IKZF1: variants seen among roughly 807,000 people sequenced by gnomAD.
The protein encoded by IKZF1 is IKAROS family zinc finger 1.
A neutral mutation model predicts 51.7 loss-of-function variants in IKZF1; 10 were observed. The ratio of observed to expected loss-of-function variants is 0.19; its 90% CI spans 0.12 to 0.33. IKZF1 has a LOEUF of 0.33. Ranked by LOEUF, IKZF1 falls within the 10% of genes least tolerant of loss-of-function variation. The pLI, the probability that IKZF1 is intolerant of heterozygous loss-of-function variation, is 1.00. For missense variants in IKZF1, 484 were observed against 707.5 expected, an observed-to-expected ratio of 0.68 and a Z score of 3.58; for synonymous variants, 280 against 282.3, an observed-to-expected ratio of 0.99 and a Z score of 0.08.
At chr7:50,350,588 G>A (rs1036792405) in intron 3 of IKZF1, among the ~76,000 whole-genome samples, 4 of 152,170 alleles carry the variant, frequency 2.6e-5, no homozygotes, top group African/African-American at 7.2e-5. Context: ...CTGACGGCAC[G>A]TTACACCAGT....
At chr7:50,308,315 A>C (rs1201868978) in intron 1 of IKZF1, among the ~76,000 whole-genome samples, 7 of 152,176 alleles carry the variant, frequency 4.6e-5, no homozygotes, top group Non-Finnish European at 1.0e-4. Flanking sequence ...GCAACTGCCA[A>C]ATTGTTTCAG....
intron 1 of IKZF1, among the ~76,000 whole-genome samples, chr7:50,307,391 G>C (rs1193601034): frequency 6.6e-6 from 1 of 152,086 alleles, no homozygotes; most frequent in African/African-American, 2.4e-5. Context: ...GGTAAACCAC[G>C]ACCTTTTTGC....
rs181708306 is a variant in IKZF1 at position 50,316,519 on chromosome 7, C to T, written c.-14-2529C>T. On this transcript the variant is annotated intron_variant, in intron 1 of 7. Coordinates refer to ENST00000331340, the MANE Select transcript of IKZF1 (RefSeq NM_006060.6). ...CAGACTTGGCTGCTGACAATAGACG[C>T]GCTCCAGGAAGGTGCTCGCTGTGGT... 1.3e-3 allele frequency among the ~76,000 whole-genome samples: 197 copies of T among 152,356 alleles called. 2 individuals carry two copies. The highest frequency in any genetic ancestry group is 4.5e-3 in the African/African-American group (186 of 41,584).
chr7:50,315,753 G>T (rs903290619), intron 1 of IKZF1, among the ~76,000 whole-genome samples: 1 of 152,186 alleles, frequency 6.6e-6, no homozygotes, highest in African/African-American at 2.4e-5. Flanking sequence ...GTGAAAACAT[G>T]CCATTAGCTT....
chr7:50,369,461 A>G lies in IKZF1; in HGVS notation c.161-7072A>G, dbSNP rs1429779998. ...ATACACTTGGATATGCTTTCTGTCT[A>G]TATTTATGCAAATGTGTCCATAAGG... is the stretch of plus-strand genomic sequence containing the variant. On this transcript the variant is annotated intron_variant, in intron 3 of 7. Coordinates refer to ENST00000331340, the MANE Select transcript of IKZF1 (RefSeq NM_006060.6). 5 of 398,456 alleles carry G rather than the reference A, an allele frequency of 1.3e-5. No individual in the cohort carries two copies. In the Admixed American group the frequency reaches 2.2e-4, roughly 18 times the overall value. 24.7% of individuals were successfully genotyped at this position (398,456 alleles called of 1,614,324 possible).
chr7:50,349,451 G>A (rs1203670097), intron 3 of IKZF1, among the ~76,000 whole-genome samples: 1 of 152,212 alleles, frequency 6.6e-6, no homozygotes, highest in African/African-American at 2.4e-5. Flanking sequence ...GTACCTATAA[G>A]AATGGGTAGG....
Position 50,370,072 on chromosome 7 carries a change from A to G in IKZF1, c.161-6461A>G, listed in dbSNP as rs576725838. Among the ~76,000 whole-genome samples the G allele has an allele frequency of 1.9e-4, 29 of 152,278 alleles. 1 individual carries two copies. In the South Asian group the frequency reaches 4.8e-3, roughly 25 times the overall value. ...CCGTGATTCAAGATATATCTTAAAT[A>G]TTTCCATTTCATTTGATTTTTACTT... On this transcript the variant is annotated intron_variant, in intron 3 of 7. Transcript: ENST00000331340.
At chr7:50,346,679 C>T (rs1584652374) in intron 3 of IKZF1, among the ~76,000 whole-genome samples, 1 of 152,214 alleles carries the variant, frequency 6.6e-6, no homozygotes, top group Non-Finnish European at 1.5e-5. Flanking sequence ...AAATCCCATC[C>T]CCTGCCTCGA....
At chr7:50,303,774 C>A (rs1788110775), upstream of IKZF1, among the ~76,000 whole-genome samples, 1 of 151,660 alleles carries the variant, frequency 6.6e-6, no homozygotes, top group South Asian at 2.1e-4. The surrounding 1 kb of genome is among the most constrained non-coding windows in gnomAD (Gnocchi z 4.7). Context: ...GCGGGGCGAG[C>A]GTGAGGGTGC....
At chr7:50,357,482 T>G (rs896307611) in intron 3 of IKZF1, among the ~76,000 whole-genome samples, 8 of 151,914 alleles carry the variant, frequency 5.3e-5, no homozygotes, top group African/African-American at 1.9e-4. Context: ...CACCCCTCCC[T>G]CCAGTTGGCA....
chr7:50,317,317 G>T (rs889736908), intron 1 of IKZF1, among the ~76,000 whole-genome samples: 1 of 152,176 alleles, frequency 6.6e-6, no homozygotes, highest in African/African-American at 2.4e-5. Flanking sequence ...GAAAACTAGA[G>T]AACTAACTTC....
chr7:50,319,192 G>A, intron 2 of IKZF1, 91 bp downstream of exon 2: 1 of 1,002,718 alleles, frequency 1.0e-6, no homozygotes, highest in Non-Finnish European at 1.6e-6. Context: ...TCATGGGGGA[G>A]GAATAGGGGC....
chr7:50,387,499 G>A (rs2153488455), intron 6 of IKZF1, 29 bp downstream of exon 6: 1 of 1,591,828 alleles, frequency 6.3e-7, no homozygotes, highest in Non-Finnish European at 8.6e-7. Flanking sequence ...AGGCCAGCCT[G>A]GTGGGCTCTC....
In IKZF1 at chr7:50,327,870, G is replaced by T. The variant is rs918025800; in HGVS notation, c.160+113G>T. 3.3e-5 allele frequency: 39 copies of T among 1,192,698 alleles called. 1 individual carries two copies. The Middle Eastern group carries it at 6.0e-4, about 18-fold the overall frequency. 73.9% of individuals were successfully genotyped at this position (1,192,698 alleles called of 1,614,324 possible). On this transcript the variant is annotated intron_variant, in intron 3 of 7. Coordinates refer to ENST00000331340, the MANE Select transcript of IKZF1 (RefSeq NM_006060.6). ...TTTATCCATTGTGTTCCCTCAACTGGCATATTAAAGAAATATGGCACAAAG... is the reference window on the plus strand; with the variant it reads ...TTTATCCATTGTGTTCCCTCAACTGTCATATTAAAGAAATATGGCACAAAG...
At chr7:50,315,891 G>C (rs1791425489) in intron 1 of IKZF1, among the ~76,000 whole-genome samples, 1 of 152,144 alleles carries the variant, frequency 6.6e-6, no homozygotes, top group Non-Finnish European at 1.5e-5. Context: ...CTCAGTAAGT[G>C]CTTTGTAAAA....
At chr7:50,365,480 C>T (rs1806622548) in intron 3 of IKZF1, among the ~76,000 whole-genome samples, 1 of 152,162 alleles carries the variant, frequency 6.6e-6, no homozygotes. Flanking sequence ...TGACATTCAA[C>T]GTCTAACTTT....
chr7:50,391,721 GA>G lies in IKZF1; in HGVS notation c.716-7del. The G allele has an allele frequency of 6.2e-7, 1 of 1,613,662 alleles. No individual in the cohort carries two copies. Among genetic ancestry groups the G allele is most frequent in the Non-Finnish European group, 8.5e-7 (1 of 1,179,790 alleles). Reference sequence around the variant, plus strand: ...TTTCTAAACTGGCCTCTCTGTCTTTGACTTTAGTCATTAAAGAAGAAACTAA... The same window carrying G: ...TTTCTAAACTGGCCTCTCTGTCTTTGCTTTAGTCATTAAAGAAGAAACTAA... On this transcript the variant is annotated splice_region_variant and splice_polypyrimidine_tract_variant and intron_variant, in intron 6 of 7. Coordinates refer to ENST00000331340, the MANE Select transcript of IKZF1 (RefSeq NM_006060.6).
intron 2 of IKZF1, among the ~76,000 whole-genome samples, chr7:50,324,743 A>G (rs1463411793): frequency 6.6e-6 from 1 of 152,210 alleles, no homozygotes; most frequent in Admixed American, 6.5e-5. Context: ...TTGTTTTCTC[A>G]TAGATACAGC....
At position 50,372,628 on chromosome 7, in the gene IKZF1, C is replaced by T. The variant is rs148691558; in HGVS notation, c.161-3905C>T. Among the ~76,000 whole-genome samples the T allele has an allele frequency of 1.9e-3, 286 of 152,340 alleles. 1 individual carries two copies. The highest frequency in any genetic ancestry group is 6.4e-3 in the African/African-American group (265 of 41,576). On this transcript the variant is annotated intron_variant, in intron 3 of 7. Transcript: ENST00000331340. Reference sequence around the variant, plus strand: ...ACTCTTTTTTAGAAACCTAGAGCATCGCAGTGTCCTTAATTTTCCTCTTCA... The same window carrying T: ...ACTCTTTTTTAGAAACCTAGAGCATTGCAGTGTCCTTAATTTTCCTCTTCA...
Sources: allele counts gnomAD v4.1 joint callset (sites outside exome capture counted in the v4.1 genomes callset), GRCh38; gene constraint gnomAD v4.1.1; non-coding constraint Gnocchi (gnomAD v3.1); transcripts MANE v1.5; gene names NCBI Gene and HGNC (gene_info 2026-07-23, HGNC 2026-07-21).